STK24: variants seen among roughly 807,000 people sequenced by gnomAD.
STK24 encodes the protein serine/threonine kinase 24.
A neutral mutation model predicts 55.6 loss-of-function variants in STK24; 21 were observed. That is an observed-to-expected ratio of 0.38 (90% CI 0.27 to 0.54). The LOEUF (loss-of-function observed/expected upper bound fraction) is 0.54, where lower values mean the gene tolerates loss of function less well. Ranked by LOEUF, STK24 falls within the 20% of genes least tolerant of loss-of-function variation. The probability of loss-of-function intolerance (pLI) is 0.79; values close to 1 mark genes in which losing one functional copy is unlikely to be tolerated. For synonymous variants in STK24, 200 were observed against 215.2 expected (o/e 0.93, Z 0.62); for missense variants, 383 against 538.4 (o/e 0.71, Z 2.86).
At chr13:98,520,580 G>C (rs1207954626) in intron 1 of STK24, among the ~76,000 whole-genome samples, 2 of 152,236 alleles carry the variant, frequency 1.3e-5, no homozygotes, top group African/African-American at 4.8e-5. Context: ...AGATGACACA[G>C]AAGAGGGTAT....
At chr13:98,512,055 T>G (rs1490759811) in intron 2 of STK24, among the ~76,000 whole-genome samples, 1 of 152,128 alleles carries the variant, frequency 6.6e-6, no homozygotes, top group Non-Finnish European at 1.5e-5. Context: ...TGGCTAATTA[T>G]TTTTGTATTT....
chr13:98,469,127 G>A (rs1894039850), intron 5 of STK24, among the ~76,000 whole-genome samples: 2 of 152,210 alleles, frequency 1.3e-5, no homozygotes, highest in South Asian at 4.1e-4. Context: ...GCTTGCGAAC[G>A]CCTGCTTCTG....
chr13:98,499,608 G>A (rs1895372486), intron 2 of STK24, among the ~76,000 whole-genome samples: 1 of 152,188 alleles, frequency 6.6e-6, no homozygotes, highest in Non-Finnish European at 1.5e-5. Flanking sequence ...CTGAGAAGGA[G>A]AGGGGGCAGG....
intron 2 of STK24, among the ~76,000 whole-genome samples, chr13:98,492,352 T>C (rs188626505): frequency 8.1e-4 from 124 of 152,288 alleles, no homozygotes; most frequent in African/African-American, 2.8e-3. Flanking sequence ...CTTTCTGCGA[T>C]AGGAAGCTGT....
At chr13:98,519,576 G>A in intron 1 of STK24, 103 bp from the exon 2 acceptor site, 1 of 897,530 alleles carries the variant, frequency 1.1e-6, no homozygotes, top group Non-Finnish European at 1.7e-6. Context: ...TGTCTTCCAG[G>A]GACTCATCTA....
intron 1 of STK24, among the ~76,000 whole-genome samples, chr13:98,574,606 G>A (rs1226367458): frequency 6.6e-6 from 1 of 152,178 alleles, no homozygotes; most frequent in Non-Finnish European, 1.5e-5. Flanking sequence ...GTCTGTAGAT[G>A]TACTTAGGTA....
intron 2 of STK24, among the ~76,000 whole-genome samples, chr13:98,484,530 G>A (rs916631596): frequency 2.6e-5 from 4 of 152,132 alleles, no homozygotes; most frequent in African/African-American, 9.7e-5. Flanking sequence ...AGGGGACTGA[G>A]GGTCACCAGG....
At chr13:98,496,210 G>A (rs1895247094) in intron 2 of STK24, among the ~76,000 whole-genome samples, 1 of 152,228 alleles carries the variant, frequency 6.6e-6, no homozygotes, top group African/African-American at 2.4e-5. Flanking sequence ...TGGCAAGCAT[G>A]CTCGTAAGAA....
intron 2 of STK24, among the ~76,000 whole-genome samples, chr13:98,495,676 A>AG (rs1895226650): frequency 6.6e-6 from 1 of 152,240 alleles, no homozygotes; most frequent in African/African-American, 2.4e-5. Context: ...GCAGAGAGAA[A>AG]GGGATCATAG....
chr13:98,499,101 G>A (rs1201416579), intron 2 of STK24, among the ~76,000 whole-genome samples: 1 of 152,116 alleles, frequency 6.6e-6, no homozygotes, highest in African/African-American at 2.4e-5. Context: ...ACAAAAATTA[G>A]CCAGCATAGT....
intron 2 of STK24, among the ~76,000 whole-genome samples, chr13:98,487,191 A>G (rs1048141153): frequency 2.2e-4 from 34 of 152,246 alleles, no homozygotes; most frequent in African/African-American, 7.7e-4. Flanking sequence ...GGAAGGACCC[A>G]GCTCTGTCCT....
At chr13:98,550,115 A>G (rs1465404296) in intron 1 of STK24, among the ~76,000 whole-genome samples, 4 of 152,214 alleles carry the variant, frequency 2.6e-5, no homozygotes, top group African/African-American at 9.7e-5. Flanking sequence ...CTTCCCTTTG[A>G]TGACTCAATT....
At chr13:98,478,141 C>T (rs1444677043) in intron 3 of STK24, among the ~76,000 whole-genome samples, 1 of 152,202 alleles carries the variant, frequency 6.6e-6, no homozygotes, top group Non-Finnish European at 1.5e-5. Context: ...AGGCCAAGCT[C>T]TCCAAGTCAG....
At chr13:98,560,941 T>TCTAA (rs557828933) in intron 1 of STK24, among the ~76,000 whole-genome samples, 1 of 151,736 alleles carries the variant, frequency 6.6e-6, no homozygotes, top group African/African-American at 2.4e-5. Flanking sequence ...CAGGCAGAAT[T>TCTAA]CTAACTGTTT....
intron 1 of STK24, among the ~76,000 whole-genome samples, chr13:98,528,212 G>A (rs1346154647): frequency 3.9e-5 from 6 of 152,182 alleles, no homozygotes; most frequent in Admixed American, 6.5e-5. Context: ...ATGACCTGGG[G>A]GTTTGCCTGG....
intron 5 of STK24, among the ~76,000 whole-genome samples, chr13:98,474,105 C>G (rs1195796116): frequency 6.6e-6 from 1 of 152,112 alleles, no homozygotes; most frequent in Non-Finnish European, 1.5e-5. Context: ...TAAACCAGAG[C>G]CCTAGGAGGC....
chr13:98,550,781 C>T (rs1025217280), intron 1 of STK24, among the ~76,000 whole-genome samples: 2 of 152,134 alleles, frequency 1.3e-5, no homozygotes, highest in African/African-American at 4.8e-5. Context: ...GTTCCAGATG[C>T]CCAATTCTAA....
At position 98,527,859 on chromosome 13, in the gene STK24, C is replaced by A. The variant is rs183295015; in HGVS notation, c.43-8386G>T. Among the ~76,000 whole-genome samples the A allele has an allele frequency of 2.0e-5, 3 of 152,352 alleles. No homozygotes were observed. The East Asian group carries it at 5.8e-4, about 29-fold the overall frequency. Reference sequence around the variant, plus strand: ...AAAACAAGGGGAGGGACAGTCATCACCTGCTTTATTGGAACAAATGTCCCC... The same window carrying A: ...AAAACAAGGGGAGGGACAGTCATCAACTGCTTTATTGGAACAAATGTCCCC... On this transcript the variant is annotated intron_variant, in intron 1 of 10. Coordinates refer to ENST00000539966, the MANE Select transcript of STK24 (RefSeq NM_001032296.4).
At position 98,446,576 on chromosome 13, in the gene STK24, C is replaced by T; in HGVS notation, c.*6597G>A. 1 of 1,413,992 alleles carries T rather than the reference C, an allele frequency of 7.1e-7. No individual in the cohort carries two copies. Among genetic ancestry groups the T allele is most frequent in the South Asian group, 1.2e-5 (1 of 80,380 alleles). The allele number at this position is 1,413,992 out of a possible 1,614,324, so 87.6% of individuals were successfully genotyped here. On this transcript the variant is annotated 3_prime_UTR_variant, in exon 11 of 11. Transcript: ENST00000539966. ...GCCCGAGGAGGGAGCTGCCTGGGCT[C>T]CCAAGTCCCTGTCTGATGCGGGGCA...
Sources: allele counts gnomAD v4.1 joint callset (sites outside exome capture counted in the v4.1 genomes callset), GRCh38; gene constraint gnomAD v4.1.1; transcripts MANE v1.5; gene names NCBI Gene and HGNC (gene_info 2026-07-23, HGNC 2026-07-21).